Variants in SLC24A2 observed in about 807,000 individuals in gnomAD.
SLC24A2 encodes the protein sodium/potassium/calcium exchanger 2.
A neutral mutation model predicts 62.0 loss-of-function variants in SLC24A2; 36 were observed. That is an observed-to-expected ratio of 0.58 (90% CI 0.44 to 0.77). The LOEUF is 0.77. Among genes scored for constraint, SLC24A2 ranks in the 30% least tolerant of loss-of-function variants. The pLI is 0.00. For synonymous variants in SLC24A2, 358 were observed against 294.0 expected, an observed-to-expected ratio of 1.22 and a Z score of -2.23; for missense variants, 846 against 817.9, an observed-to-expected ratio of 1.03 and a Z score of -0.42.
intron 2 of SLC24A2, among the ~76,000 whole-genome samples, chr9:19,658,580 CAGGTT>C (rs1188640168): frequency 2.0e-5 from 3 of 152,206 alleles, no homozygotes; most frequent in Non-Finnish European, 4.4e-5. Context: ...GATAAGTTAA[CAGGTT>C]AGGTTAATTG....
intron 8 of SLC24A2, among the ~76,000 whole-genome samples, chr9:19,540,224 ATG>A (rs1834183242): frequency 9.1e-6 from 1 of 110,388 alleles, no homozygotes; most frequent in Admixed American, 9.6e-5. Context: ...TAATATTGTT[ATG>A]TGTGAATTTG....
the SLC24A2 span, among the ~76,000 whole-genome samples, chr9:20,046,098 G>A: frequency 6.6e-6 from 1 of 152,180 alleles, no homozygotes; most frequent in Non-Finnish European, 1.5e-5. Flanking sequence ...TGGTGAGTGT[G>A]GTGTCCTCAT....
Position 19,684,160 on chromosome 9 carries a change from C to CT in SLC24A2, c.931-61862dup, listed in dbSNP as rs75681911. On this transcript the variant is annotated intron_variant, in intron 2 of 10. Coordinates refer to ENST00000341998, the MANE Select transcript of SLC24A2 (RefSeq NM_020344.4). ...CCCCTGCAGGGCCAATAAGCTCCAA[C>CT]TTTTTTTTACTGTTTTGTGACATTT... Among the ~76,000 whole-genome samples, 1,504 of 152,082 alleles carry CT rather than the reference C, an allele frequency of 9.9e-3. 30 individuals are homozygous for CT. Among genetic ancestry groups the CT allele is most frequent in the East Asian group, 0.094 (482 of 5,152 alleles).
intron 2 of SLC24A2, among the ~76,000 whole-genome samples, chr9:19,774,272 C>T (rs1051686822): frequency 6.6e-6 from 1 of 152,080 alleles, no homozygotes; most frequent in Non-Finnish European, 1.5e-5. Context: ...CATACCCTCC[C>T]TATGAGGAAA....
At chr9:20,030,613 G>A in the SLC24A2 span, among the ~76,000 whole-genome samples, 1 of 152,128 alleles carries the variant, frequency 6.6e-6, no homozygotes, top group Admixed American at 6.5e-5. Context: ...ACCCTTTCTG[G>A]CTCCATGTCT....
the SLC24A2 span, among the ~76,000 whole-genome samples, chr9:20,037,157 C>T: frequency 6.6e-6 from 1 of 151,050 alleles, no homozygotes; most frequent in Non-Finnish European, 1.5e-5. Flanking sequence ...CTCGGCCTCC[C>T]AAAGTGCTGG....
At chr9:19,962,935 C>T in the SLC24A2 span, among the ~76,000 whole-genome samples, 2 of 152,088 alleles carry the variant, frequency 1.3e-5, no homozygotes, top group Non-Finnish European at 2.9e-5. Flanking sequence ...CTGTCTTGTG[C>T]CAGTTTTCAA....
chr9:19,948,211 A>T, the SLC24A2 span, among the ~76,000 whole-genome samples: 1 of 152,200 alleles, frequency 6.6e-6, no homozygotes, highest in Non-Finnish European at 1.5e-5. Flanking sequence ...CAGCCAACTC[A>T]TCTGTGACTG....
At chr9:20,062,492 A>G in the SLC24A2 span, among the ~76,000 whole-genome samples, 5 of 113,458 alleles carry the variant, frequency 4.4e-5, no homozygotes, top group Non-Finnish European at 8.5e-5. Context: ...AAATCAATTC[A>G]AGATGGATTA....
At chr9:19,572,747 G>A (rs1835876655) in intron 7 of SLC24A2, among the ~76,000 whole-genome samples, 1 of 152,212 alleles carries the variant, frequency 6.6e-6, no homozygotes. Flanking sequence ...CAAATAGTAG[G>A]TGTTTGATAA....
intron 2 of SLC24A2, among the ~76,000 whole-genome samples, chr9:19,729,260 ACT>A (rs1821264760): frequency 6.6e-6 from 1 of 152,202 alleles, no homozygotes; most frequent in Admixed American, 6.5e-5. Flanking sequence ...ACTCTTATAC[ACT>A]GTTAGTAGGA....
In SLC24A2 at chr9:19,622,311, A is replaced by G. The variant is rs1817927564; in HGVS notation, c.931-12T>C. On this transcript the variant is annotated splice_polypyrimidine_tract_variant and intron_variant, in intron 2 of 10. Transcript: ENST00000341998. The stretch of plus-strand genomic sequence containing the variant: ...CTGGCTGCAGATGGCTGCATAAGAG[A>G]AAAAGGCAAAGACAAAAGACAAAGA... 6.2e-7 allele frequency: 1 copy of G among 1,610,296 alleles called. No individual in the cohort carries two copies. Among genetic ancestry groups the G allele is most frequent in the Non-Finnish European group, 8.5e-7 (1 of 1,177,036 alleles).
the SLC24A2 span, among the ~76,000 whole-genome samples, chr9:20,000,109 A>G: frequency 3.3e-5 from 5 of 152,190 alleles, no homozygotes; most frequent in African/African-American, 1.2e-4. Flanking sequence ...TCTCTGATTT[A>G]CTATTTTTCT....
At chr9:20,110,656 T>A in the SLC24A2 span, among the ~76,000 whole-genome samples, 1 of 152,162 alleles carries the variant, frequency 6.6e-6, no homozygotes, top group Non-Finnish European at 1.5e-5. Context: ...AGATCTTCTC[T>A]TTGGTGAATT....
chr9:19,792,627 G>C (rs1014503709), upstream of SLC24A2, among the ~76,000 whole-genome samples: 1 of 150,518 alleles, frequency 6.6e-6, no homozygotes, highest in African/African-American at 2.4e-5. Context: ...AGAATCACTT[G>C]AACCTGGGAT....
intron 7 of SLC24A2, among the ~76,000 whole-genome samples, chr9:19,552,024 TATAATA>T (rs1381118212): frequency 2.0e-5 from 3 of 152,176 alleles, no homozygotes; most frequent in Non-Finnish European, 4.4e-5. Flanking sequence ...AGGGATTAGG[TATAATA>T]ATAATAAGGC....
the SLC24A2 span, among the ~76,000 whole-genome samples, chr9:20,128,363 A>G: frequency 6.6e-6 from 1 of 152,130 alleles, no homozygotes; most frequent in Admixed American, 6.6e-5. Context: ...GTTGGATCTT[A>G]TGTCTTAAAA....
chr9:20,116,479 G>T, the SLC24A2 span, among the ~76,000 whole-genome samples: 1 of 152,112 alleles, frequency 6.6e-6, no homozygotes, highest in East Asian at 1.9e-4. Context: ...CATAACAACG[G>T]ATTCAGTTCA....
the SLC24A2 span, among the ~76,000 whole-genome samples, chr9:19,834,870 G>A: frequency 4.6e-5 from 7 of 152,172 alleles, no homozygotes; most frequent in Non-Finnish European, 2.9e-5. Context: ...GACTAACAGC[G>A]GATCTCTCGG....
Sources: gnomAD v4.1 joint callset for allele counts (sites outside exome capture counted in the v4.1 genomes callset) on GRCh38, gnomAD v4.1.1 for gene constraint, MANE v1.5 for transcripts, NCBI Gene and HGNC (gene_info 2026-07-23, HGNC 2026-07-21) for gene names.